LIPH: variants seen among roughly 807,000 people sequenced by gnomAD.
LIPH encodes lipase member H.
A neutral mutation model predicts 47.6 loss-of-function variants in LIPH; 32 were observed. The ratio of observed to expected loss-of-function variants is 0.67; its 90% CI spans 0.51 to 0.90. LIPH has a LOEUF of 0.90. LIPH is among the 40% of genes least tolerant of loss of function. The pLI is 0.00. For synonymous variants in LIPH, 190 were observed against 195.6 expected (o/e 0.97, Z 0.24); for missense variants, 497 against 541.4 (o/e 0.92, Z 0.81).
chr3:185,532,651 G>C (rs779584084), intron 3 of LIPH, among the ~76,000 whole-genome samples: 23 of 152,138 alleles, frequency 1.5e-4, no homozygotes, highest in Non-Finnish European at 3.4e-4. Flanking sequence ...TTAGCCAAGA[G>C]TGGTGGCGCA....
At chr3:185,524,305 C>A (rs1244402581) in intron 4 of LIPH, 145 bp from the exon 5 acceptor site, 3 of 652,734 alleles carry the variant, frequency 4.6e-6, no homozygotes, top group South Asian at 3.5e-5. Flanking sequence ...TGCCCAAAGT[C>A]ACCCAGCTAG....
chr3:185,510,435 G>C (rs1033642651), intron 9 of LIPH, among the ~76,000 whole-genome samples: 4 of 151,900 alleles, frequency 2.6e-5, no homozygotes, highest in African/African-American at 9.7e-5. Flanking sequence ...CTCTTTCTCT[G>C]TTTCTCTCTC....
rs371388993 is a variant in LIPH at position 185,533,595 on chromosome 3, C to G, written c.502G>C (p.Asp168His). ...CCTGTAATTCTCCCCAGCCATCCAT[C>G]GTACATCTCTCCAACAAACCCAGAT... ...HISGFVGEMY[D>H]GWLGRITGLD... The change falls in exon 3 of 10, where the codon GAT becomes CAT. Residue 168 changes from aspartate to histidine, a missense_variant. Coordinates refer to ENST00000296252, the MANE Select transcript of LIPH (RefSeq NM_139248.3). 2 of 1,613,340 alleles carry G rather than the reference C, an allele frequency of 1.2e-6. No individual in the cohort carries two copies. Among genetic ancestry groups the G allele is most frequent in the African/African-American group, 1.3e-5 (1 of 75,018 alleles).
rs567662798 is a variant in LIPH, at chr3:185,534,672, C to T, written c.417+93G>A. The T allele has an allele frequency of 3.0e-6, 4 of 1,339,208 alleles. No individual in the cohort carries two copies. The South Asian group carries it at 3.7e-5, about 12-fold the overall frequency. The allele number at this position is 1,339,208 out of a possible 1,614,324, so 83.0% of individuals were successfully genotyped here. On this transcript the variant is annotated intron_variant, in intron 2 of 9. Transcript: ENST00000296252. Reference sequence around the variant, plus strand: ...ATTTGCAAAATGTTGCAATATAGGCCTCCTGCTCACTGTAGCTATCTCTTG... The same window carrying T: ...ATTTGCAAAATGTTGCAATATAGGCTTCCTGCTCACTGTAGCTATCTCTTG...
intron 3 of LIPH, among the ~76,000 whole-genome samples, chr3:185,529,916 A>AAGAG (rs1720261699): frequency 1.8e-4 from 7 of 39,026 alleles, no homozygotes; most frequent in African/African-American, 4.8e-4. Context: ...AAAAGAAAGA[A>AAGAG]AGAAAGAAAG....
intron 8 of LIPH, among the ~76,000 whole-genome samples, chr3:185,512,070 C>T (rs1050490016): frequency 1.6e-4 from 24 of 152,166 alleles, no homozygotes; most frequent in African/African-American, 5.3e-4. Context: ...TTATTCTCCT[C>T]ATTTAATAGA....
Position 185,534,746 on chromosome 3 carries a change from T to A in LIPH, c.417+19A>T. 1 of 1,612,046 alleles carries A rather than the reference T, an allele frequency of 6.2e-7. No homozygotes were observed. Among genetic ancestry groups the A allele is most frequent in the Admixed American group, 1.7e-5 (1 of 60,026 alleles). ...CCAGTTTCAACTTAGCTCTGAATCA[T>A]CTAAGAGAATTCTCTTACCAACATC... On this transcript the variant is annotated intron_variant, in intron 2 of 9. Coordinates refer to ENST00000296252, the MANE Select transcript of LIPH (RefSeq NM_139248.3).
At position 185,535,053 on chromosome 3, in the gene LIPH, C is replaced by T. The variant is rs531742362; in HGVS notation, c.129G>A (p.Leu43=). Residue 43 remains leucine (L), a synonymous_variant, in exon 2 of 10, where the codon CTG becomes CTA. Coordinates refer to ENST00000296252, the MANE Select transcript of LIPH (RefSeq NM_139248.3). ...TCAGGTTTTTCCTTGTGTAGAGCAT[C>T]AGCCTCACATTTAGTCCCGTACCAA... ...AVVGTGLNVR[L]MLYTRKNLTC... 1.2e-6 allele frequency: 2 copies of T among 1,613,884 alleles called. No individual in the cohort carries two copies. Among genetic ancestry groups the T allele is most frequent in the African/African-American group, 2.7e-5 (2 of 74,996 alleles).
chr3:185,548,745 A>AAAAACAAAACAAAACAAAAC (rs199898458), intron 1 of LIPH, among the ~76,000 whole-genome samples: 2 of 151,384 alleles, frequency 1.3e-5, no homozygotes, highest in African/African-American at 4.9e-5. Context: ...AAAACAAAAC[A>AAAAACAAAACAAAACAAAAC]AAAACAAAAC....
At chr3:185,533,510 ATACT>A in intron 3 of LIPH, 57 bp downstream of exon 3, 1 of 1,083,974 alleles carries the variant, frequency 9.2e-7, no homozygotes, top group Non-Finnish European at 1.4e-6. Context: ...GGCCTACATA[ATACT>A]CCCCCAGTGA....
chr3:185,538,705 T>C (rs825594), intron 1 of LIPH, among the ~76,000 whole-genome samples: 180 of 12,070 alleles, frequency 0.015, 1 homozygote, highest in South Asian at 0.033. Flanking sequence ...ACCAAATATA[T>C]ATTCCACCAA....
intron 3 of LIPH, among the ~76,000 whole-genome samples, chr3:185,529,976 A>AAGAG (rs762824845): frequency 1.0e-3 from 110 of 104,964 alleles, no homozygotes; most frequent in Admixed American, 2.4e-3. Flanking sequence ...GAAAGAAAGA[A>AAGAG]AGAGAGAGAG....
intron 1 of LIPH, among the ~76,000 whole-genome samples, chr3:185,545,002 A>T (rs969125927): frequency 1.3e-5 from 2 of 149,910 alleles, no homozygotes; most frequent in African/African-American, 4.9e-5. Flanking sequence ...AGAAAGCAAA[A>T]TCCTTTTGAG....
rs1431164011 is a variant in LIPH, at chr3:185,529,958, GAAAGAAGGAA to G, written c.527-2383_527-2374del. ...AGAAAGAAAGAAAGAAAGAAAGAAA[GAAAGAAGGAA>G]AGAAAGAAAGAGAGAGAGAGAGAAA... On this transcript the variant is annotated intron_variant, in intron 3 of 9. Transcript: ENST00000296252. Among the ~76,000 whole-genome samples the G allele has an allele frequency of 8.6e-4, 49 of 56,788 alleles. 1 individual carries two copies. The highest frequency in any genetic ancestry group is 2.9e-3 in the South Asian group (4 of 1,402). The allele number at this position is 56,788 out of a possible 152,430, so 37.3% of individuals were successfully genotyped here. A position where few individuals can be genotyped will look rare whatever the true frequency, so the allele number is the denominator to read the frequency against.
chr3:185,529,731 A>C (rs1386326881), intron 3 of LIPH, among the ~76,000 whole-genome samples: 5 of 151,198 alleles, frequency 3.3e-5, no homozygotes, highest in Admixed American at 6.6e-5. Flanking sequence ...CTCTACAAAA[A>C]AATTAAAAAT....
chr3:185,517,651 TC>T (rs1173643273), intron 6 of LIPH, among the ~76,000 whole-genome samples: 1 of 152,122 alleles, frequency 6.6e-6, no homozygotes, highest in East Asian at 1.9e-4. Flanking sequence ...GTTTTTGCTG[TC>T]CAGAGGGCCC....
In LIPH at chr3:185,524,105, CA is replaced by C. The variant is rs766414291; in HGVS notation, c.683del (p.Leu228TrpfsTer32). On this transcript the variant is annotated frameshift_variant, in exon 5 of 10. Transcript: ENST00000296252. ...GNIDFYPNGG[L>X]DQPGCPKTIL... ...TTGTTTTGGGGCAGCCAGGTTGATC[CA>C]ATCCTCCATTTGGGTAGAAGTCTAT... 3 of 1,613,756 alleles carry C rather than the reference CA, an allele frequency of 1.9e-6. No individual in the cohort carries two copies. The South Asian group carries it at 3.3e-5, about 18-fold the overall frequency.
chr3:185,541,616 G>A (rs996218628), intron 1 of LIPH, among the ~76,000 whole-genome samples: 1 of 151,594 alleles, frequency 6.6e-6, no homozygotes, highest in African/African-American at 2.4e-5. Context: ...ATGTTGCCCA[G>A]GCTGGTCTTG....
intron 1 of LIPH, among the ~76,000 whole-genome samples, chr3:185,550,947 G>A (rs1721030670): frequency 6.6e-6 from 1 of 152,156 alleles, no homozygotes; most frequent in Non-Finnish European, 1.5e-5. Flanking sequence ...GACTTTGGAA[G>A]GCCAAGGCGG....
Sources: allele counts gnomAD v4.1 joint callset (sites outside exome capture counted in the v4.1 genomes callset), GRCh38; gene constraint gnomAD v4.1.1; transcripts MANE v1.5; gene names NCBI Gene and HGNC (gene_info 2026-07-23, HGNC 2026-07-21).